The following RBM46 variants were observed in gnomAD, a reference collection of about 807,000 sequenced individuals.
RBM46 encodes RNA binding motif protein 46.
Under a neutral mutation model 43.3 loss-of-function variants are expected in RBM46, and 12 were observed. That is an observed-to-expected ratio of 0.28 (90% CI 0.18 to 0.45). The LOEUF (loss-of-function observed/expected upper bound fraction) is 0.45, where lower values mean the gene tolerates loss of function less well. Among genes scored for constraint, RBM46 ranks in the 20% least tolerant of loss-of-function variants. The probability of loss-of-function intolerance (pLI) is 1.00; values close to 1 mark genes in which losing one functional copy is unlikely to be tolerated. For synonymous variants in RBM46, 205 were observed against 207.6 expected, an observed-to-expected ratio of 0.99 and a Z score of 0.11; for missense variants, 412 against 639.1, an observed-to-expected ratio of 0.64 and a Z score of 3.83.
intron 4 of RBM46, among the ~76,000 whole-genome samples, chr4:154,823,489 G>C (rs1735816142): frequency 6.6e-6 from 1 of 151,738 alleles, no homozygotes; most frequent in Admixed American, 6.6e-5. Flanking sequence ...AGAGTATCTA[G>C]TCAGAAACAA....
intron 1 of RBM46, among the ~76,000 whole-genome samples, chr4:154,784,000 TCCATTGACCTGGCAA>T (rs1256698747): frequency 2.0e-4 from 30 of 152,124 alleles, no homozygotes; most frequent in African/African-American, 5.5e-4. Context: ...ACAGAAAACC[TCCATTGACCTGGCAA>T]CCATTGACCT....
chr4:154,810,878 A>G (rs1004785630), intron 4 of RBM46, among the ~76,000 whole-genome samples: 1 of 152,174 alleles, frequency 6.6e-6, no homozygotes, highest in African/African-American at 2.4e-5. Context: ...GGGAATTTTT[A>G]TTCTCGTAAG....
intron 4 of RBM46, among the ~76,000 whole-genome samples, chr4:154,822,481 G>C (rs1735763401): frequency 6.6e-6 from 1 of 151,308 alleles, no homozygotes; most frequent in Non-Finnish European, 1.5e-5. Flanking sequence ...TTATATGATA[G>C]GTATTATTTA....
At chr4:154,820,482 A>G (rs1735673408) in intron 4 of RBM46, 1 of 943,412 alleles carries the variant, frequency 1.1e-6, no homozygotes. Context: ...TAATTGTCAG[A>G]AAACCAGTTT....
At chr4:154,822,458 G>A (rs975864873) in intron 4 of RBM46, among the ~76,000 whole-genome samples, 2 of 150,956 alleles carry the variant, frequency 1.3e-5, no homozygotes, top group Non-Finnish European at 3.0e-5. Flanking sequence ...TAAATGATAG[G>A]TATTATTTAT....
chr4:154,802,927 A>G (rs539674484), intron 4 of RBM46, among the ~76,000 whole-genome samples: 1 of 152,096 alleles, frequency 6.6e-6, no homozygotes, highest in African/African-American at 2.4e-5. Context: ...AATATTTTAG[A>G]TCTCTTTAAG....
intron 4 of RBM46, among the ~76,000 whole-genome samples, chr4:154,801,638 C>A (rs1245484233): frequency 6.6e-6 from 1 of 152,142 alleles, no homozygotes; most frequent in Non-Finnish European, 1.5e-5. Context: ...TTTAAAATTT[C>A]TATCCTCCCT....
chr4:154,784,828 T>C (rs1343495876), intron 1 of RBM46, among the ~76,000 whole-genome samples: 1 of 152,202 alleles, frequency 6.6e-6, no homozygotes, highest in Non-Finnish European at 1.5e-5. Flanking sequence ...GAAGCCTCAA[T>C]TGGTATGTCA....
At chr4:154,823,779 A>G (rs1735828433) in intron 4 of RBM46, among the ~76,000 whole-genome samples, 2 of 152,022 alleles carry the variant, frequency 1.3e-5, no homozygotes, top group Non-Finnish European at 2.9e-5. Flanking sequence ...TAGTAACCAC[A>G]TAAACAGGCC....
chr4:154,818,756 T>C (rs1735586448), intron 4 of RBM46, among the ~76,000 whole-genome samples: 1 of 152,148 alleles, frequency 6.6e-6, no homozygotes, highest in Admixed American at 6.5e-5. Context: ...TTATATTTCT[T>C]CTGTATTGTC....
intron 4 of RBM46, among the ~76,000 whole-genome samples, chr4:154,809,574 G>A (rs1046796142): frequency 1.3e-5 from 2 of 152,024 alleles, no homozygotes; most frequent in African/African-American, 4.8e-5. Flanking sequence ...TAAATATATA[G>A]TATATTGATT....
chr4:154,818,688 A>ATTTC (rs34180171), intron 4 of RBM46, among the ~76,000 whole-genome samples: 39,065 of 151,674 alleles, frequency 0.26, 5,123 homozygotes, highest in Middle Eastern at 0.32. Context: ...TTTCTCTCTT[A>ATTTC]TTTATGGTAA....
At position 154,791,075 on chromosome 4, in the gene RBM46, A is replaced by G. The variant is rs891257270; in HGVS notation, c.-11-5667A>G. Among the ~76,000 whole-genome samples, 6 of 152,228 alleles carry G rather than the reference A, an allele frequency of 3.9e-5. 1 individual carries two copies. Among genetic ancestry groups the G allele is most frequent in the African/African-American group, 7.2e-5 (3 of 41,462 alleles). ...AATGAGAGAACATAAACTATGTCAT[A>G]TAAGAAACAGTTAAGTAGCATTTTC... is the stretch of plus-strand genomic sequence containing the variant. On this transcript the variant is annotated intron_variant, in intron 1 of 4. Coordinates refer to ENST00000281722, the MANE Select transcript of RBM46 (RefSeq NM_144979.5).
intron 1 of RBM46, among the ~76,000 whole-genome samples, chr4:154,792,739 A>G (rs1290056007): frequency 3.9e-5 from 6 of 152,206 alleles, no homozygotes; most frequent in African/African-American, 1.4e-4. Context: ...GACTATAGGA[A>G]CAATCTATGT....
intron 4 of RBM46, among the ~76,000 whole-genome samples, chr4:154,803,467 A>G (rs971571996): frequency 2.6e-5 from 4 of 152,102 alleles, no homozygotes; most frequent in East Asian, 1.9e-4. Flanking sequence ...TTGGGAGGCT[A>G]AGGCGGGCGG....
intron 4 of RBM46, among the ~76,000 whole-genome samples, chr4:154,825,274 CT>C (rs1735906779): frequency 6.6e-6 from 1 of 152,034 alleles, no homozygotes; most frequent in Non-Finnish European, 1.5e-5. Context: ...AGAATTTCTA[CT>C]TTTTATTTCC....
At chr4:154,787,067 G>A (rs1356523461) in intron 1 of RBM46, 1 of 152,138 alleles carries the variant, frequency 6.6e-6, no homozygotes, top group Non-Finnish European at 1.5e-5. Flanking sequence ...TTCCTTCTCT[G>A]GAGATAGATC....
chr4:154,818,761 A>G (rs1202169237), intron 4 of RBM46, among the ~76,000 whole-genome samples: 1 of 151,862 alleles, frequency 6.6e-6, no homozygotes, highest in Non-Finnish European at 1.5e-5. Context: ...TTTCTTCTGT[A>G]TTGTCCATCC....
In RBM46 at chr4:154,820,544, A is replaced by G. The variant is rs925710132; in HGVS notation, c.1403-7324A>G. Reference sequence around the variant, plus strand: ...TGAAACTTTATGAAGTATTTTTTATAATAGCCTTGTTAATTATAGACTCAT... The same window carrying G: ...TGAAACTTTATGAAGTATTTTTTATGATAGCCTTGTTAATTATAGACTCAT... On this transcript the variant is annotated intron_variant, in intron 4 of 4. Coordinates refer to ENST00000281722, the MANE Select transcript of RBM46 (RefSeq NM_144979.5). 7.6e-6 allele frequency: 4 copies of G among 525,648 alleles called. No homozygotes were observed. In the Admixed American group the frequency reaches 1.5e-4, roughly 20 times the overall value. The allele number at this position is 525,648 out of a possible 1,614,324, so 32.6% of individuals were successfully genotyped here.
Sources: gnomAD v4.1 joint callset for allele counts (sites outside exome capture counted in the v4.1 genomes callset) on GRCh38, gnomAD v4.1.1 for gene constraint, MANE v1.5 for transcripts, NCBI Gene and HGNC (gene_info 2026-07-23, HGNC 2026-07-21) for gene names.